ARHGAP24: variants seen among roughly 807,000 people sequenced by gnomAD.
ARHGAP24 encodes the protein Rho GTPase activating protein 24.
ARHGAP24 carries 50 observed loss-of-function variants against 76.4 expected under a neutral mutation model. The observed-to-expected ratio is 0.65, with a 90% CI of 0.52 to 0.83. The LOEUF (loss-of-function observed/expected upper bound fraction) is 0.83. Ranked by LOEUF, ARHGAP24 falls within the 40% of genes least tolerant of loss-of-function variation. The probability of loss-of-function intolerance (pLI) is 0.00; values close to 1 mark genes in which losing one functional copy is unlikely to be tolerated. For missense variants in ARHGAP24, 930 were observed against 914.2 expected (o/e 1.02, Z -0.22); for synonymous variants, 345 against 323.3 (o/e 1.07, Z -0.72).
intron 3 of ARHGAP24, among the ~76,000 whole-genome samples, chr4:85,745,057 C>G (rs1311604681): frequency 6.6e-6 from 1 of 151,964 alleles, no homozygotes; most frequent in Admixed American, 6.6e-5. Flanking sequence ...GAGGTTAAAG[C>G]AAGGTGCTTT....
chr4:85,662,023 G>T (rs1394826906), intron 2 of ARHGAP24, among the ~76,000 whole-genome samples: 2 of 152,196 alleles, frequency 1.3e-5, no homozygotes, highest in Non-Finnish European at 1.5e-5. Flanking sequence ...AGTCCTTTGG[G>T]TATATACCCA....
intron 2 of ARHGAP24, among the ~76,000 whole-genome samples, chr4:85,616,697 AGCT>A: frequency 6.6e-6 from 1 of 152,222 alleles, no homozygotes; most frequent in East Asian, 1.9e-4. Context: ...GCACGATCTC[AGCT>A]CACTGGAACC....
chr4:85,860,618 G>T (rs1319862827), intron 3 of ARHGAP24, among the ~76,000 whole-genome samples: 1 of 151,982 alleles, frequency 6.6e-6, no homozygotes, highest in African/African-American at 2.4e-5. Flanking sequence ...AAATTCCTGA[G>T]GATGGGACGA....
At chr4:85,710,182 T>C (rs1301784687) in intron 2 of ARHGAP24, among the ~76,000 whole-genome samples, 1 of 152,008 alleles carries the variant, frequency 6.6e-6, no homozygotes, top group Non-Finnish European at 1.5e-5. Context: ...TGGAACAGAA[T>C]AGAACCCAGA....
At chr4:85,717,457 G>C (rs1190167297) in intron 2 of ARHGAP24, among the ~76,000 whole-genome samples, 3 of 151,944 alleles carry the variant, frequency 2.0e-5, no homozygotes, top group African/African-American at 7.3e-5. Context: ...ACCTACCCTG[G>C]CTCTCAGCTG....
chr4:85,923,043 G>GTCT (rs1281446502), intron 3 of ARHGAP24, among the ~76,000 whole-genome samples: 1 of 151,848 alleles, frequency 6.6e-6, no homozygotes, highest in African/African-American at 2.4e-5. Context: ...GTCCAGGCAT[G>GTCT]TCTTCTTCTT....
intron 2 of ARHGAP24, among the ~76,000 whole-genome samples, chr4:85,705,838 A>G (rs1305733257): frequency 6.6e-6 from 1 of 152,204 alleles, no homozygotes; most frequent in Non-Finnish European, 1.5e-5. Context: ...CCAGGCTGTA[A>G]CAGTTATAGT....
intron 2 of ARHGAP24, among the ~76,000 whole-genome samples, chr4:85,581,758 T>C (rs1727623190): frequency 1.3e-5 from 2 of 152,144 alleles, no homozygotes; most frequent in Non-Finnish European, 1.5e-5. Flanking sequence ...TAAATTCCAG[T>C]ATTTAACAGT....
At chr4:85,663,781 T>G (rs1332508010) in intron 2 of ARHGAP24, among the ~76,000 whole-genome samples, 1 of 151,798 alleles carries the variant, frequency 6.6e-6, no homozygotes, top group African/African-American at 2.4e-5. Flanking sequence ...GATACTCATG[T>G]GGTTTTTGTC....
At chr4:85,809,532 A>C (rs1057281694) in intron 3 of ARHGAP24, among the ~76,000 whole-genome samples, 2 of 152,200 alleles carry the variant, frequency 1.3e-5, no homozygotes, top group African/African-American at 4.8e-5. Flanking sequence ...AATGCCTATA[A>C]AAGTTTATTT....
intron 3 of ARHGAP24, among the ~76,000 whole-genome samples, chr4:85,901,601 T>G (rs7663884): frequency 0.35 from 52,668 of 151,918 alleles, 9,573 homozygotes; most frequent in East Asian, 0.74. Context: ...ACATTTTATT[T>G]ACTCAGAGCT....
intron 3 of ARHGAP24, among the ~76,000 whole-genome samples, chr4:85,856,700 C>G (rs1439156940): frequency 6.6e-6 from 1 of 152,006 alleles, no homozygotes; most frequent in Non-Finnish European, 1.5e-5. Flanking sequence ...TGGCACCTGA[C>G]CTCACGTGAT....
At chr4:85,519,127 T>C (rs1724639313) in intron 1 of ARHGAP24, among the ~76,000 whole-genome samples, 1 of 152,170 alleles carries the variant, frequency 6.6e-6, no homozygotes, top group African/African-American at 2.4e-5. Flanking sequence ...CCTGCAAGAA[T>C]AGCCATAATC....
chr4:85,750,351 A>G (rs1013411808), intron 3 of ARHGAP24, among the ~76,000 whole-genome samples: 3 of 152,118 alleles, frequency 2.0e-5, no homozygotes, highest in African/African-American at 7.2e-5. Context: ...AGCAGGGAGC[A>G]TTAGGAACCC....
At chr4:85,884,466 G>C (rs1465002049) in intron 3 of ARHGAP24, among the ~76,000 whole-genome samples, 1 of 152,164 alleles carries the variant, frequency 6.6e-6, no homozygotes, top group South Asian at 2.1e-4. Context: ...GTCAAGACTA[G>C]CTTTCTAAAC....
intron 3 of ARHGAP24, among the ~76,000 whole-genome samples, chr4:85,750,485 C>CG (rs1726216353): frequency 1.6e-5 from 1 of 61,616 alleles, no homozygotes; most frequent in Admixed American, 2.5e-4. Context: ...CTTTTCATTC[C>CG]TTTTTTTTTT....
rs1031790392 is a variant in ARHGAP24 at position 85,775,652 on chromosome 4, G to C, written c.268+53680G>C. On this transcript the variant is annotated intron_variant, in intron 3 of 9. Transcript: ENST00000395184. Reference sequence around the variant, plus strand: ...ATTATGGAGCTACAATTCAAGATGAGATTTGGTTGGGGACACAGCCAAACC... The same window carrying C: ...ATTATGGAGCTACAATTCAAGATGACATTTGGTTGGGGACACAGCCAAACC... Among the ~76,000 whole-genome samples the C allele has an allele frequency of 5.9e-5, 9 of 152,266 alleles. No homozygotes were observed. The South Asian group carries it at 1.7e-3, about 28-fold the overall frequency.
chr4:85,942,126 T>A lies in ARHGAP24; in HGVS notation c.452T>A (p.Leu151Gln). Residue 151 changes from leucine to glutamine, a missense_variant, in exon 5 of 10, where the codon CTG (leucine) becomes CAG (glutamine). Physicochemically the swap from Leu to Gln is moderately radical, Grantham distance 113. Transcript: ENST00000395184. Reference protein sequence around the residue: ...VRYEKRYGNRLAPMLVEQCVD... With the variant: ...VRYEKRYGNRQAPMLVEQCVD... ...TATGAGAAGAGATATGGGAACCGTC[T>A]GGCTCCGATGTTGGTGGAGCAGTGC... 1.9e-6 allele frequency: 3 copies of A among 1,614,058 alleles called. No individual in the cohort carries two copies. The highest frequency in any genetic ancestry group is 2.5e-6 in the Non-Finnish European group (3 of 1,180,004).
At chr4:85,516,572 C>G (rs1473272922) in intron 1 of ARHGAP24, among the ~76,000 whole-genome samples, 2 of 151,036 alleles carry the variant, frequency 1.3e-5, no homozygotes, top group African/African-American at 2.4e-5. Context: ...GTTTAAGGGC[C>G]AAGAAATTTG....
Sources: gnomAD v4.1 joint callset for allele counts (sites outside exome capture counted in the v4.1 genomes callset) on GRCh38, gnomAD v4.1.1 for gene constraint, MANE v1.5 for transcripts, NCBI Gene and HGNC (gene_info 2026-07-23, HGNC 2026-07-21) for gene names.